Variants in TNRC6C observed in about 807,000 individuals in gnomAD.
TNRC6C encodes trinucleotide repeat-containing gene 6C protein.
Under a neutral mutation model 153.7 loss-of-function variants are expected in TNRC6C, and 20 were observed. That is an observed-to-expected ratio of 0.13 (90% CI 0.09 to 0.19). The LOEUF (loss-of-function observed/expected upper bound fraction) is 0.19. TNRC6C is among the 10% of genes least tolerant of loss of function. TNRC6C has a pLI of 1.00. For synonymous variants in TNRC6C, 811 were observed against 841.4 expected, an observed-to-expected ratio of 0.96 and a Z score of 0.63; for missense variants, 1,987 against 2,172.0, an observed-to-expected ratio of 0.91 and a Z score of 1.69.
upstream of TNRC6C, among the ~76,000 whole-genome samples, chr17:78,000,630 C>CCGCCCCA (rs1555628277): frequency 1.6e-5 from 1 of 62,290 alleles, no homozygotes; most frequent in African/African-American, 9.4e-5. Flanking sequence ...CCCCCCCCCC[C>CCGCCCCA]CACACACACA....
At chr17:78,050,805 C>G (rs369017367) in exon 3 of TNRC6C, 1 of 1,612,716 alleles carries the variant, frequency 6.2e-7, no homozygotes, top group Non-Finnish European at 8.5e-7. Context: ...AATCCCAACA[C>G]TGGGGAGATG....
In TNRC6C at chr17:78,074,175, AC is replaced by A. The variant is rs200353045; in HGVS notation, c.2918-960del. 9.4e-3 allele frequency among the ~76,000 whole-genome samples: 1,432 copies of A among 152,286 alleles called. 15 individuals are homozygous for A. The highest frequency in any genetic ancestry group is 0.036 in the South Asian group (176 of 4,826). On this transcript the variant is annotated intron_variant, in intron 7 of 19. Coordinates refer to ENST00000301624, the Ensembl canonical transcript of TNRC6C. ...GCACCACACAGGGGGACCATTTTAA[AC>A]ACCAGAATCACTACAGAAAGCACAG...
chr17:77,978,705 C>T (rs371974269), intron 1 of TNRC6C, among the ~76,000 whole-genome samples: 3 of 152,138 alleles, frequency 2.0e-5, no homozygotes, highest in South Asian at 2.1e-4. Flanking sequence ...GTCACAAAAA[C>T]GGGAGTTCAG....
upstream of TNRC6C, among the ~76,000 whole-genome samples, chr17:77,958,638 C>T (rs1224498984): frequency 2.0e-5 from 3 of 151,202 alleles, no homozygotes; most frequent in African/African-American, 7.3e-5. Context: ...TGGAGGCCAA[C>T]GCGGGGCGGG....
At chr17:77,977,799 T>C (rs1044317747) in intron 1 of TNRC6C, among the ~76,000 whole-genome samples, 1 of 151,954 alleles carries the variant, frequency 6.6e-6, no homozygotes, top group Non-Finnish European at 1.5e-5. Flanking sequence ...TATCTAACTT[T>C]AGATTTTTGT....
chr17:78,021,558 G>A (rs528807434), intron 1 of TNRC6C, among the ~76,000 whole-genome samples: 1 of 151,976 alleles, frequency 6.6e-6, no homozygotes, highest in South Asian at 2.1e-4. Flanking sequence ...ACATGGAATA[G>A]GTTATTTATT....
chr17:78,010,326 C>T (rs763744679), intron 1 of TNRC6C, among the ~76,000 whole-genome samples: 11 of 152,144 alleles, frequency 7.2e-5, no homozygotes, highest in African/African-American at 9.7e-5. Flanking sequence ...TCAGTTGAAG[C>T]CATAGTCTTC....
At chr17:78,083,188 A>G in intron 11 of TNRC6C, 22 bp downstream of exon 13, 1 of 1,613,200 alleles carries the variant, frequency 6.2e-7, no homozygotes, top group South Asian at 1.1e-5. Context: ...GACCCATGCA[A>G]GTTAGAGCAC....
chr17:77,999,683 G>C (rs898026637), upstream of TNRC6C, among the ~76,000 whole-genome samples: 1 of 152,152 alleles, frequency 6.6e-6, no homozygotes, highest in Non-Finnish European at 1.5e-5. Flanking sequence ...TACTTACCTG[G>C]GCCCTCTGCA....
At chr17:78,056,165 T>C (rs1185433747) in intron 3 of TNRC6C, among the ~76,000 whole-genome samples, 1 of 151,496 alleles carries the variant, frequency 6.6e-6, no homozygotes, top group Admixed American at 6.6e-5. Context: ...CTACTTTTTT[T>C]TTTTTTTCTT....
rs966603639 is a variant in TNRC6C at position 78,057,246 on chromosome 17, A to G, written c.2395+5789A>G. Among the ~76,000 whole-genome samples the G allele has an allele frequency of 1.2e-4, 19 of 152,336 alleles. No homozygotes were observed. In the East Asian group the frequency reaches 3.5e-3, roughly 28 times the overall value. On this transcript the variant is annotated intron_variant, in intron 3 of 19. Transcript: ENST00000301624. ...CTGGCATAAAGTGGCTACACTGAGT[A>G]TTATTCCTGCCCTGTATTACCTGTG... is the stretch of plus-strand genomic sequence containing the variant.
At chr17:77,958,590 G>C (rs2070831162), upstream of TNRC6C, among the ~76,000 whole-genome samples, 1 of 152,134 alleles carries the variant, frequency 6.6e-6, no homozygotes, top group Admixed American at 6.5e-5. Context: ...TGCAGATACG[G>C]TGGGAGTCAC....
intron 1 of TNRC6C, among the ~76,000 whole-genome samples, chr17:78,010,683 CTT>C (rs1361687861): frequency 6.6e-6 from 1 of 152,010 alleles, no homozygotes; most frequent in Non-Finnish European, 1.5e-5. Flanking sequence ...GGGATGGCAT[CTT>C]TTAGGTTTGA....
At chr17:78,004,263 G>C, upstream of TNRC6C, 1 of 1,231,722 alleles carries the variant, frequency 8.1e-7, no homozygotes, top group Non-Finnish European at 1.0e-6. Context: ...AAGGTGCTCA[G>C]AAAAAGGTTT....
chr17:78,065,743 T>C (rs2072862987), intron 4 of TNRC6C, among the ~76,000 whole-genome samples: 1 of 152,148 alleles, frequency 6.6e-6, no homozygotes, highest in Non-Finnish European at 1.5e-5. Context: ...TGTTTATGCC[T>C]AAACAACTTG....
chr17:78,026,477 T>C (rs959856988), intron 1 of TNRC6C, among the ~76,000 whole-genome samples: 2 of 152,244 alleles, frequency 1.3e-5, no homozygotes, highest in African/African-American at 4.8e-5. Context: ...TAAACTGATA[T>C]ATTCATTGTC....
At chr17:77,996,153 G>A (rs150255668) in intron 1 of TNRC6C, among the ~76,000 whole-genome samples, 19 of 152,310 alleles carry the variant, frequency 1.2e-4, no homozygotes, top group African/African-American at 4.3e-4. Context: ...AGTGGTAAAA[G>A]TGTTTACTGA....
At chr17:78,095,302 A>G (rs1240848763) in intron 16 of TNRC6C, among the ~76,000 whole-genome samples, 4 of 152,356 alleles carry the variant, frequency 2.6e-5, no homozygotes, top group South Asian at 2.1e-4. Flanking sequence ...CAAGCTCCAC[A>G]TGCAGCTGTC....
chr17:78,027,982 A>C (rs866056925), intron 1 of TNRC6C, among the ~76,000 whole-genome samples: 1 of 140,544 alleles, frequency 7.1e-6, no homozygotes, highest in Admixed American at 7.7e-5. Flanking sequence ...TGCAAGCTCC[A>C]CCTCCCGGGT....
Sources: allele counts gnomAD v4.1 joint callset (sites outside exome capture counted in the v4.1 genomes callset), GRCh38; gene constraint gnomAD v4.1.1; transcripts MANE v1.5; gene names NCBI Gene and HGNC (gene_info 2026-07-23, HGNC 2026-07-21).